Variants in RIMBP2 observed in about 807,000 individuals in gnomAD.
RIMBP2 encodes the protein RIMS binding protein 2.
A neutral mutation model predicts 118.6 loss-of-function variants in RIMBP2; 48 were observed. That is an observed-to-expected ratio of 0.40 (90% CI 0.32 to 0.51). The LOEUF is 0.51. Ranked by LOEUF, RIMBP2 falls within the 20% of genes least tolerant of loss-of-function variation. The pLI, the probability that RIMBP2 is intolerant of heterozygous loss-of-function variation, is 0.41. For synonymous variants in RIMBP2, 762 were observed against 742.9 expected, an observed-to-expected ratio of 1.03 and a Z score of -0.42; for missense variants, 1,551 against 1,768.3, an observed-to-expected ratio of 0.88 and a Z score of 2.20.
At chr12:130,540,050 A>C (rs11060986) in intron 2 of RIMBP2, among the ~76,000 whole-genome samples, 2 of 105,908 alleles carry the variant, frequency 1.9e-5, no homozygotes, top group Non-Finnish European at 2.1e-5. Context: ...CAGGTGTAGG[A>C]TATGGCAAAT....
In RIMBP2 at chr12:130,714,518, CG is replaced by C. The variant is rs1255943237; in HGVS notation, c.-352+1703del. ...ATAGCGCCAGCATCTTCCTGTCTCC[CG>C]GGCACGTGGGCAGTGCCACCCTCTC... On this transcript the variant is annotated intron_variant, in intron 1 of 22. Transcript: ENST00000690449. Among the ~76,000 whole-genome samples, 7 of 152,188 alleles carry C rather than the reference CG, an allele frequency of 4.6e-5. 1 individual carries two copies. In the East Asian group the frequency reaches 1.4e-3, roughly 29 times the overall value.
In RIMBP2 at chr12:130,578,086, C is replaced by T. The variant is rs1243815991; in HGVS notation, c.-217+50236G>A. Among the ~76,000 whole-genome samples the T allele has an allele frequency of 6.6e-6, 1 of 152,172 alleles. No individual in the cohort carries two copies. The highest frequency in any genetic ancestry group is 3.2e-3 in the Middle Eastern group (1 of 316). ...GGCAGATGTGAACTGGATGGTTTCA[C>T]ATTAAGCCATTATCACCCAGTAGCA... On this transcript the variant is annotated intron_variant, in intron 2 of 22. Coordinates refer to ENST00000690449, the MANE Select transcript of RIMBP2 (RefSeq NM_001393629.1). This position sits in a 1 kb window ranked among gnomAD's most constrained non-coding sequence, Gnocchi z 4.1.
intron 3 of RIMBP2, among the ~76,000 whole-genome samples, chr12:130,510,041 A>C (rs1007901269): frequency 1.3e-5 from 2 of 152,252 alleles, no homozygotes; most frequent in Non-Finnish European, 2.9e-5. Context: ...AGCACTGGAC[A>C]GTCAGGAATT....
intron 2 of RIMBP2, among the ~76,000 whole-genome samples, chr12:130,519,595 C>T (rs2051858649): frequency 6.6e-6 from 1 of 152,196 alleles, no homozygotes; most frequent in Non-Finnish European, 1.5e-5. Context: ...CAGCATGTCC[C>T]ACATGGGGGA....
At chr12:130,625,311 G>C (rs1178127411) in intron 2 of RIMBP2, among the ~76,000 whole-genome samples, 1 of 152,154 alleles carries the variant, frequency 6.6e-6, no homozygotes, top group Admixed American at 6.5e-5. Flanking sequence ...TATTGACATA[G>C]AGGGGCGCCG....
intron 4 of RIMBP2, among the ~76,000 whole-genome samples, chr12:130,496,293 T>G (rs1168833246): frequency 6.6e-6 from 1 of 152,160 alleles, no homozygotes; most frequent in Non-Finnish European, 1.5e-5. Flanking sequence ...TTCCCTTCTC[T>G]TCTCTTGCCT....
Position 130,499,865 on chromosome 12 carries a change from A to G in RIMBP2, c.-4+6783T>C, listed in dbSNP as rs573867959. Reference sequence around the variant, plus strand: ...ATTTAGATCACTTTTTCCAGAAACTAGAAAGCGTTTGATGCAAAGTGGTTG... The same window carrying G: ...ATTTAGATCACTTTTTCCAGAAACTGGAAAGCGTTTGATGCAAAGTGGTTG... On this transcript the variant is annotated intron_variant, in intron 4 of 22. Coordinates refer to ENST00000690449, the MANE Select transcript of RIMBP2 (RefSeq NM_001393629.1). Among the ~76,000 whole-genome samples the G allele has an allele frequency of 1.3e-4, 20 of 152,358 alleles. No homozygotes were observed. The South Asian group carries it at 4.1e-3, about 32-fold the overall frequency.
chr12:130,409,404 G>A (rs1281112137), intron 19 of RIMBP2, among the ~76,000 whole-genome samples: 17 of 142,536 alleles, frequency 1.2e-4, no homozygotes, highest in African/African-American at 3.4e-4. Context: ...GTGCAGTGGC[G>A]CGATCCCGGC....
intron 1 of RIMBP2, among the ~76,000 whole-genome samples, chr12:130,661,070 T>A (rs554336943): frequency 7.2e-5 from 11 of 152,130 alleles, no homozygotes; most frequent in Non-Finnish European, 1.6e-4. Flanking sequence ...GTACATAATA[T>A]CTCAGATTCT....
At chr12:130,504,490 G>A (rs1300353147) in intron 4 of RIMBP2, among the ~76,000 whole-genome samples, 1 of 152,122 alleles carries the variant, frequency 6.6e-6, no homozygotes, top group Non-Finnish European at 1.5e-5. Context: ...CAGAAAGGAG[G>A]GAAGATGCTG....
intron 1 of RIMBP2, among the ~76,000 whole-genome samples, chr12:130,646,313 ACTTC>A (rs2062944415): frequency 9.9e-6 from 1 of 101,476 alleles, no homozygotes; most frequent in African/African-American, 3.6e-5. Flanking sequence ...CTCCCTCACC[ACTTC>A]CCTCTCCACC....
rs11388548 is a variant in RIMBP2 at position 130,715,755 on chromosome 12, T to TCC, written c.-352+465_-352+466dup. On this transcript the variant is annotated intron_variant, in intron 1 of 22. Transcript: ENST00000690449. Reference sequence around the variant, plus strand: ...CTGATGTGTTTGTCCCACGTCCCCTTCCCCCCCTCCACCCCGCCCCCAAGA... The same window carrying TCC: ...CTGATGTGTTTGTCCCACGTCCCCTTCCCCCCCCCTCCACCCCGCCCCCAAGA... 1.1e-4 allele frequency among the ~76,000 whole-genome samples: 15 copies of TCC among 133,896 alleles called. No individual in the cohort carries two copies. The South Asian group carries it at 1.5e-3, about 13-fold the overall frequency. The allele number at this position is 133,896 out of a possible 152,430, so 87.8% of individuals were successfully genotyped here.
chr12:130,629,613 G>A (rs2061857481), intron 1 of RIMBP2, among the ~76,000 whole-genome samples: 1 of 152,100 alleles, frequency 6.6e-6, no homozygotes, highest in Non-Finnish European at 1.5e-5. Context: ...AAATTAGACA[G>A]TCCACCTGTG....
intron 1 of RIMBP2, among the ~76,000 whole-genome samples, chr12:130,682,187 C>G (rs186475284): frequency 6.6e-6 from 1 of 152,312 alleles, no homozygotes; most frequent in Admixed American, 6.5e-5. Flanking sequence ...CTTTCCTAGA[C>G]AGACAGCCTC....
chr12:130,619,934 C>G (rs1398194675), intron 2 of RIMBP2, among the ~76,000 whole-genome samples: 1 of 152,192 alleles, frequency 6.6e-6, no homozygotes, highest in Non-Finnish European at 1.5e-5. Context: ...ACATGCTGTC[C>G]TTGGTGCTCT....
At chr12:130,448,867 G>A (rs1353163461) in intron 9 of RIMBP2, among the ~76,000 whole-genome samples, 1 of 152,262 alleles carries the variant, frequency 6.6e-6, no homozygotes, top group African/African-American at 2.4e-5. Context: ...TGGAACTGGT[G>A]TATTACCAAC....
intron 2 of RIMBP2, among the ~76,000 whole-genome samples, chr12:130,561,659 T>C (rs914903172): frequency 6.6e-5 from 10 of 152,218 alleles, no homozygotes; most frequent in African/African-American, 2.4e-4. Flanking sequence ...TGTGGTCATT[T>C]GCGGTAGCTC....
intron 1 of RIMBP2, among the ~76,000 whole-genome samples, chr12:130,673,709 G>T (rs1025977444): frequency 3.3e-5 from 5 of 152,232 alleles, no homozygotes; most frequent in African/African-American, 1.2e-4. Flanking sequence ...ATTCCCCAGT[G>T]TTGGAAGTGG....
At chr12:130,608,308 G>A (rs543503759) in intron 2 of RIMBP2, among the ~76,000 whole-genome samples, 40 of 152,358 alleles carry the variant, frequency 2.6e-4, no homozygotes, top group Non-Finnish European at 3.7e-4. Context: ...GAAGGCCAAC[G>A]ACACCACCAC....
Sources: gnomAD v4.1 joint callset for allele counts (sites outside exome capture counted in the v4.1 genomes callset) on GRCh38, gnomAD v4.1.1 for gene constraint, Gnocchi (gnomAD v3.1) non-coding constraint, MANE v1.5 for transcripts, NCBI Gene and HGNC (gene_info 2026-07-23, HGNC 2026-07-21) for gene names.